CDH13: variants seen among roughly 807,000 people sequenced by gnomAD.
CDH13 encodes the protein cadherin 13.
In CDH13, 24 loss-of-function variants were observed where a neutral mutation model predicts 63.8. That is an observed-to-expected ratio of 0.38 (90% CI 0.27 to 0.53). The LOEUF (loss-of-function observed/expected upper bound fraction) is 0.53, where lower values mean the gene tolerates loss of function less well. CDH13 is among the 20% of genes least tolerant of loss of function. The pLI is 0.85. For synonymous variants in CDH13, 503 were observed against 355.3 expected, an observed-to-expected ratio of 1.42 and a Z score of -4.67; for missense variants, 1,049 against 903.1, an observed-to-expected ratio of 1.16 and a Z score of -2.07.
chr16:83,128,803 G>C lies in CDH13; in HGVS notation c.483+3302G>C, dbSNP rs113862661. On this transcript the variant is annotated intron_variant, in intron 4 of 13. Transcript: ENST00000567109. ...ACAGCTTCAAAAAGCAATTTGGTTT[G>C]CAAGCTGAGGACTCACTTCTTCTTA... 5.9e-5 allele frequency among the ~76,000 whole-genome samples: 9 copies of C among 152,250 alleles called. No homozygotes were observed. The East Asian group carries it at 7.7e-4, about 13-fold the overall frequency.
chr16:83,433,627 C>A (rs921408216), intron 6 of CDH13, among the ~76,000 whole-genome samples: 2 of 152,154 alleles, frequency 1.3e-5, no homozygotes, highest in Non-Finnish European at 2.9e-5. Context: ...AGGAGTGTAA[C>A]CACCAGAAGA....
chr16:83,444,482 A>C (rs529146757), intron 6 of CDH13, among the ~76,000 whole-genome samples: 10 of 152,294 alleles, frequency 6.6e-5, no homozygotes, highest in South Asian at 2.1e-4. Flanking sequence ...ATTTTTTAAA[A>C]TCTTGACCCA....
chr16:83,604,529 A>C (rs1478839205), intron 8 of CDH13, among the ~76,000 whole-genome samples: 2 of 152,226 alleles, frequency 1.3e-5, no homozygotes, highest in African/African-American at 4.8e-5. Flanking sequence ...TTTCTGATTA[A>C]CTTTAAAATG....
At chr16:82,984,261 C>A (rs1251895082) in intron 2 of CDH13, among the ~76,000 whole-genome samples, 2 of 152,230 alleles carry the variant, frequency 1.3e-5, no homozygotes, top group African/African-American at 4.8e-5. Flanking sequence ...CTTTGTTGAA[C>A]AGAATTCCCG....
intron 6 of CDH13, among the ~76,000 whole-genome samples, chr16:83,387,411 G>T (rs901860261): frequency 1.3e-5 from 2 of 152,104 alleles, no homozygotes; most frequent in African/African-American, 4.8e-5. Flanking sequence ...GAAGGTATTG[G>T]GCCTCAGTGG....
At chr16:83,474,935 A>G (rs2073562412) in intron 6 of CDH13, among the ~76,000 whole-genome samples, 1 of 152,226 alleles carries the variant, frequency 6.6e-6, no homozygotes, top group Non-Finnish European at 1.5e-5. Context: ...CATAATGATG[A>G]AAAGGAAGGC....
At chr16:82,628,969 C>G (rs1907685476) in intron 1 of CDH13, among the ~76,000 whole-genome samples, 1 of 152,240 alleles carries the variant, frequency 6.6e-6, no homozygotes, top group Non-Finnish European at 1.5e-5. Flanking sequence ...ATGTCCTATG[C>G]AATGCATGCC....
intron 1 of CDH13, among the ~76,000 whole-genome samples, chr16:82,705,936 G>C (rs114120933): frequency 6.6e-5 from 10 of 152,048 alleles, no homozygotes; most frequent in Non-Finnish European, 1.2e-4. Context: ...GTTTTCCTTC[G>C]TGAGATGCAG....
intron 2 of CDH13, among the ~76,000 whole-genome samples, chr16:82,905,110 G>C (rs995232154): frequency 1.3e-5 from 2 of 152,194 alleles, no homozygotes; most frequent in Non-Finnish European, 2.9e-5. Context: ...GTAGGGGGAA[G>C]CAGAGGCAGT....
intron 3 of CDH13, among the ~76,000 whole-genome samples, chr16:83,061,554 A>G (rs1203178046): frequency 6.6e-6 from 1 of 152,140 alleles, no homozygotes; most frequent in Admixed American, 6.5e-5. Context: ...GCTAGGGAAG[A>G]TGTTCTCCTA....
intron 3 of CDH13, among the ~76,000 whole-genome samples, chr16:83,104,041 G>C (rs2034643429): frequency 2.0e-5 from 3 of 152,146 alleles, no homozygotes; most frequent in South Asian, 4.1e-4. Flanking sequence ...TGCTGTATTT[G>C]CCAATGCAGA....
intron 1 of CDH13, among the ~76,000 whole-genome samples, chr16:82,676,886 G>GTTTTGTTTTT (rs1913980935): frequency 1.3e-5 from 2 of 150,176 alleles, no homozygotes; most frequent in African/African-American, 2.5e-5. Context: ...GTTTTGTTTT[G>GTTTTGTTTTT]TTTTGTTTTG....
At chr16:83,075,038 G>C (rs1312644617) in intron 3 of CDH13, among the ~76,000 whole-genome samples, 1 of 152,162 alleles carries the variant, frequency 6.6e-6, no homozygotes, top group Non-Finnish European at 1.5e-5. Context: ...TGAGGGGTAA[G>C]ATCTGTAGAT....
intron 1 of CDH13, among the ~76,000 whole-genome samples, chr16:82,716,319 G>A (rs1042014021): frequency 1.3e-5 from 2 of 152,058 alleles, no homozygotes; most frequent in African/African-American, 4.8e-5. Flanking sequence ...TGGGAAAGGT[G>A]GTGGGAATTC....
chr16:82,679,819 G>C (rs1387270436), intron 1 of CDH13, among the ~76,000 whole-genome samples: 1 of 152,154 alleles, frequency 6.6e-6, no homozygotes, highest in Admixed American at 6.5e-5. Context: ...TTCAAAAATG[G>C]GTTTGGATCT....
chr16:83,474,606 T>C (rs76078807), intron 6 of CDH13, among the ~76,000 whole-genome samples: 21,010 of 152,086 alleles, frequency 0.14, 1,877 homozygotes, highest in South Asian at 0.24. Flanking sequence ...GTGGGGGAAA[T>C]TTAGCAGAAG....
At chr16:82,936,149 A>G (rs2042660809) in intron 2 of CDH13, among the ~76,000 whole-genome samples, 1 of 152,264 alleles carries the variant, frequency 6.6e-6, no homozygotes, top group South Asian at 2.1e-4. Context: ...GCCATCTTGA[A>G]CATGTCTAGT....
chr16:83,403,533 G>C (rs28478567), intron 6 of CDH13, among the ~76,000 whole-genome samples: 1,681 of 152,232 alleles, frequency 0.011, 30 homozygotes, highest in African/African-American at 0.039. Flanking sequence ...TGAGACAGGA[G>C]AGTGGCGTGA....
At chr16:82,876,490 T>A (rs2040507948) in intron 2 of CDH13, among the ~76,000 whole-genome samples, 1 of 152,210 alleles carries the variant, frequency 6.6e-6, no homozygotes, top group African/African-American at 2.4e-5. Context: ...TTTGTAAAAT[T>A]AAATAAATCC....
Sources: allele counts gnomAD v4.1 joint callset (sites outside exome capture counted in the v4.1 genomes callset), GRCh38; gene constraint gnomAD v4.1.1; transcripts MANE v1.5; gene names NCBI Gene and HGNC (gene_info 2026-07-23, HGNC 2026-07-21).